The following AR variants were observed in gnomAD, a reference collection of about 807,000 sequenced individuals.
The protein encoded by AR is androgen receptor, also known as dihydrotestosterone receptor.
A neutral mutation model predicts 53.9 loss-of-function variants in AR; 8 were observed. The observed-to-expected ratio is 0.15, with a 90% CI of 0.09 to 0.27. The LOEUF is 0.27. Among genes scored for constraint, AR ranks in the 10% least tolerant of loss-of-function variants. AR has a pLI of 1.00. For missense variants in AR, 639 were observed against 742.5 expected (o/e 0.86, Z 1.62); for synonymous variants, 359 against 316.4 (o/e 1.13, Z -1.43).
At chrX:67,675,648 G>A (rs1185209290) in intron 2 of AR, among the ~76,000 whole-genome samples, 1 of 111,880 alleles carries the variant, frequency 8.9e-6, no homozygotes, top group Non-Finnish European at 1.9e-5. Flanking sequence ...ACACCATGTG[G>A]TTGCTGCTGG....
chrX:67,687,853 G>C lies in AR; in HGVS notation c.1885+1727G>C, dbSNP rs190125135. Among the ~76,000 whole-genome samples the C allele has an allele frequency of 6.1e-3, 681 of 111,967 alleles. 15 individuals carry two copies. Among genetic ancestry groups the C allele is most frequent in the Admixed American group, 0.057 (605 of 10,574 alleles). ...GTAACAAAAGTCCTCATAACATTTGGATGCAAATCTTAACATTAATTCCAT... is the reference window on the plus strand; with the variant it reads ...GTAACAAAAGTCCTCATAACATTTGCATGCAAATCTTAACATTAATTCCAT... On this transcript the variant is annotated intron_variant, in intron 3 of 7. Transcript: ENST00000374690.
chrX:67,611,850 C>T (rs2062726730), intron 1 of AR, among the ~76,000 whole-genome samples: 1 of 112,145 alleles, frequency 8.9e-6, no homozygotes, highest in South Asian at 3.7e-4. Flanking sequence ...TAGACTGGAA[C>T]TTCTAGCTCC....
At position 67,545,153 on chromosome X, in the gene AR, G is replaced by A. The variant is rs778912582; in HGVS notation, c.7G>A (p.Val3Met). Residue 3 changes from valine to methionine, a missense_variant, in exon 1 of 8, where the codon GTG (valine) becomes ATG (methionine). Val to Met is a conservative substitution (Grantham distance 21). Around this residue, in one of 5 missense-constraint regions of AR, gnomAD observed 55 missense variants for 84.8 expected, o/e 0.65. Coordinates refer to ENST00000374690, the MANE Select transcript of AR (RefSeq NM_000044.6). ME[V>M]QLGLGRVYPR... ...GATTCAGCCAAGCTCAAGGATGGAA[G>A]TGCAGTTAGGGCTGGGAAGGGTCTA... 17 of 1,195,335 alleles carry A rather than the reference G, an allele frequency of 1.4e-5. No homozygotes were observed. The East Asian group carries it at 1.8e-4, about 13-fold the overall frequency.
At chrX:67,628,204 T>C (rs1389435436) in intron 1 of AR, among the ~76,000 whole-genome samples, 2 of 110,056 alleles carry the variant, frequency 1.8e-5, no homozygotes, top group Admixed American at 9.8e-5. Flanking sequence ...GGGGATGGCA[T>C]TGAATCTATA....
At chrX:67,552,866 T>C (rs184715658) in intron 1 of AR, among the ~76,000 whole-genome samples, 158 of 112,378 alleles carry the variant, frequency 1.4e-3, no homozygotes, top group African/African-American at 4.3e-3. Context: ...TTGGATCCTT[T>C]GCTCAGTTTT....
intron 5 of AR, among the ~76,000 whole-genome samples, chrX:67,717,946 C>T (rs2076120474): frequency 8.9e-6 from 1 of 112,462 alleles, no homozygotes; most frequent in Non-Finnish European, 1.9e-5. Flanking sequence ...CAGAAAGACT[C>T]TGGCTTTAAG....
intron 1 of AR, among the ~76,000 whole-genome samples, chrX:67,615,427 C>T (rs995089986): frequency 9.0e-6 from 1 of 110,599 alleles, no homozygotes; most frequent in African/African-American, 3.3e-5. Flanking sequence ...ATATTCTAAA[C>T]GTTGAAAGAA....
At chrX:67,604,694 A>C (rs1309314025) in intron 1 of AR, among the ~76,000 whole-genome samples, 2 of 111,809 alleles carry the variant, frequency 1.8e-5, no homozygotes, top group African/African-American at 6.5e-5. Context: ...AAGAATTGAC[A>C]TTTATAATAA....
At chrX:67,646,391 A>T (rs1926060453) in intron 2 of AR, among the ~76,000 whole-genome samples, 1 of 111,194 alleles carries the variant, frequency 9.0e-6, no homozygotes, top group Admixed American at 9.6e-5. Context: ...GAGAAAAAAT[A>T]ATGCTACTAA....
At chrX:67,671,863 C>T (rs967991883) in intron 2 of AR, among the ~76,000 whole-genome samples, 1 of 111,571 alleles carries the variant, frequency 9.0e-6, no homozygotes, top group Non-Finnish European at 1.9e-5. Flanking sequence ...GAATCCTTTC[C>T]CCATTGTTTG....
chrX:67,686,162 C>T, intron 3 of AR, 36 bp downstream of exon 3: 1 of 1,154,111 alleles, frequency 8.7e-7, no homozygotes, highest in Non-Finnish European at 1.2e-6. Context: ...CCTCCTTCCT[C>T]TCTCCCCCTT....
chrX:67,629,196 A>G (rs1377524785), intron 1 of AR, among the ~76,000 whole-genome samples: 1 of 109,069 alleles, frequency 9.2e-6, no homozygotes, highest in African/African-American at 3.3e-5. Context: ...TGATTGGAAT[A>G]GTTTCAGAAG....
chrX:67,694,541 C>A, intron 3 of AR: 1 of 1,017,377 alleles, frequency 9.8e-7, no homozygotes, highest in Non-Finnish European at 1.3e-6. Flanking sequence ...AAATGGCAAC[C>A]GCCCACCTCC....
In AR at chrX:67,726,648, CCTTTAGGCCTACT is replaced by C. The variant is rs1321226802; in HGVS notation, c.*2812_*2824del. 9 of 174,616 alleles carry C rather than the reference CCTTTAGGCCTACT, an allele frequency of 5.2e-5. No homozygotes were observed. In the Admixed American group the frequency reaches 7.1e-4, roughly 14 times the overall value. 14.4% of individuals were successfully genotyped at this position (174,616 alleles called of 1,213,427 possible). On this transcript the variant is annotated 3_prime_UTR_variant, in exon 8 of 8. Transcript: ENST00000374690. ...ACTAGGGAAAAATAGCCTACACAAGCCTTTAGGCCTACTCTTTCTGTGCTTGGGTTTGAGTGAA... is the reference window on the plus strand; with the variant it reads ...ACTAGGGAAAAATAGCCTACACAAGCCTTTCTGTGCTTGGGTTTGAGTGAA...
chrX:67,645,126 G>A (rs934317950), intron 2 of AR, among the ~76,000 whole-genome samples: 2 of 111,766 alleles, frequency 1.8e-5, no homozygotes, highest in African/African-American at 6.5e-5. Context: ...CTGCACCACA[G>A]TAATAGCAGC....
chrX:67,725,505 C>T lies in AR; in HGVS notation c.*1664C>T. The T allele has an allele frequency of 5.7e-6, 1 of 176,003 alleles. No homozygotes were observed. Among genetic ancestry groups the T allele is most frequent in the East Asian group, 8.0e-5 (1 of 12,467 alleles). The allele number at this position is 176,003 out of a possible 1,213,427, so 14.5% of individuals were successfully genotyped here. On this transcript the variant is annotated 3_prime_UTR_variant, in exon 8 of 8. Transcript: ENST00000374690. Reference sequence around the variant, plus strand: ...GAAGGCACTAGAACCAGAAACCCTGCAAATGCTCTTCTTGTCACCCAGCAT... The same window carrying T: ...GAAGGCACTAGAACCAGAAACCCTGTAAATGCTCTTCTTGTCACCCAGCAT...
chrX:67,645,253 T>C (rs1173205754), intron 2 of AR, among the ~76,000 whole-genome samples: 2 of 111,953 alleles, frequency 1.8e-5, no homozygotes, highest in East Asian at 5.6e-4. Context: ...TAAATTGTTA[T>C]TTTCAGAAAA....
At chrX:67,618,123 T>C (rs780871094) in intron 1 of AR, among the ~76,000 whole-genome samples, 30 of 111,854 alleles carry the variant, frequency 2.7e-4, no homozygotes, top group African/African-American at 9.4e-4. Flanking sequence ...TTGTTCAACT[T>C]TATCTTAATG....
At chrX:67,568,357 G>T (rs1174262636) in intron 1 of AR, among the ~76,000 whole-genome samples, 14 of 111,659 alleles carry the variant, frequency 1.3e-4, no homozygotes, top group Non-Finnish European at 2.3e-4. Context: ...CTTTCGTATG[G>T]ACTGGGCAAC....
Sources: allele counts gnomAD v4.1 joint callset (sites outside exome capture counted in the v4.1 genomes callset), GRCh38; gene constraint gnomAD v4.1.1; regional missense constraint gnomAD v4.1.1; transcripts MANE v1.5; gene names NCBI Gene and HGNC (gene_info 2026-07-23, HGNC 2026-07-21).